LIG3: variants seen among roughly 807,000 people sequenced by gnomAD.
LIG3 encodes DNA ligase 3.
In LIG3, 58 loss-of-function variants were observed where a neutral mutation model predicts 110.9. The ratio of observed to expected loss-of-function variants is 0.52; its 90% CI spans 0.42 to 0.65. LIG3 has a LOEUF of 0.65. LIG3 is among the 30% of genes least tolerant of loss of function. The probability of loss-of-function intolerance (pLI) is 0.00; values close to 1 mark genes in which losing one functional copy is unlikely to be tolerated. For missense variants in LIG3, 1,094 were observed against 1,273.8 expected, an observed-to-expected ratio of 0.86 and a Z score of 2.15; for synonymous variants, 422 against 472.8, an observed-to-expected ratio of 0.89 and a Z score of 1.39.
Position 34,999,854 on chromosome 17 carries a change from A to G in LIG3, c.2329A>G (p.Lys777Glu), listed in dbSNP as rs1430246617. ...TCCTGACTTCATCGTCCCAGACCCAAAGGTATCAACCCAGTGGCTTGGGGG... is the reference window on the plus strand; with the variant it reads ...TCCTGACTTCATCGTCCCAGACCCAGAGGTATCAACCCAGTGGCTTGGGGG... Reference protein sequence around the residue: ...YYPDFIVPDPKKAAVWEITGA... With the variant: ...YYPDFIVPDPEKAAVWEITGA... The change falls in exon 16 of 20, where the codon AAG (lysine) becomes GAG (glutamate). Residue 777 changes from lysine to glutamate, a missense_variant and splice_region_variant. Lys to Glu is a moderately conservative substitution (Grantham distance 56, BLOSUM62 1). Coordinates refer to ENST00000378526, the MANE Select transcript of LIG3 (RefSeq NM_013975.4). 3 of 1,613,258 alleles carry G rather than the reference A, an allele frequency of 1.9e-6. No homozygotes were observed. Among genetic ancestry groups the G allele is most frequent in the Non-Finnish European group, 2.5e-6 (3 of 1,179,336 alleles).
At chr17:34,998,834 C>G (rs2090809176) in intron 14 of LIG3, 107 bp downstream of exon 14, 5 of 1,384,064 alleles carry the variant, frequency 3.6e-6, no homozygotes, top group Non-Finnish European at 4.9e-6. Context: ...CCAGTTATGA[C>G]TTCCGAAGTC....
At chr17:34,999,750 A>G (rs2142279568) in intron 15 of LIG3, 32 bp from the exon 16 acceptor site, 1 of 1,590,974 alleles carries the variant, frequency 6.3e-7, no homozygotes, top group East Asian at 2.2e-5. Context: ...CCAGGTTGGG[A>G]ACAGCCCAAA....
chr17:34,987,326 T>G (rs3135969), intron 3 of LIG3, among the ~76,000 whole-genome samples: 14 of 152,216 alleles, frequency 9.2e-5, no homozygotes, highest in Non-Finnish European at 1.5e-5. Context: ...CCCTAGACAG[T>G]ACTTTTATTT....
At chr17:34,985,704 C>T (rs2090647510) in intron 2 of LIG3, among the ~76,000 whole-genome samples, 1 of 152,156 alleles carries the variant, frequency 6.6e-6, no homozygotes, top group Non-Finnish European at 1.5e-5. Context: ...TGGAGACTTA[C>T]ATATGGGATA....
At chr17:34,996,886 A>G (rs552276218) in intron 11 of LIG3, 193 of 491,754 alleles carry the variant, frequency 3.9e-4, no homozygotes, top group African/African-American at 3.3e-3. Flanking sequence ...TGTTGACTCC[A>G]TCTCTTCTCT....
At chr17:34,981,385 G>A (rs746882379) in intron 1 of LIG3, 1 of 152,116 alleles carries the variant, frequency 6.6e-6, no homozygotes, top group Non-Finnish European at 1.5e-5. Context: ...TAAACTTTGG[G>A]AGTTATATAG....
chr17:35,000,432 A>G (rs2090827674), intron 16 of LIG3, among the ~76,000 whole-genome samples: 1 of 151,288 alleles, frequency 6.6e-6, no homozygotes, highest in Admixed American at 6.6e-5. Context: ...CTAATTTTGT[A>G]TTTTTAGTAG....
In LIG3 at chr17:34,998,743, G is replaced by T. The variant is rs1301672782; in HGVS notation, c.2113+16G>T. 2 of 1,611,958 alleles carry T rather than the reference G, an allele frequency of 1.2e-6. No individual in the cohort carries two copies. Among genetic ancestry groups the T allele is most frequent in the East Asian group, 4.5e-5 (2 of 44,852 alleles). On this transcript the variant is annotated intron_variant, in intron 14 of 19. Transcript: ENST00000378526. ...GGGAGCAAAGGTCAGGGTGGCCTCT[G>T]CCCCCTGGGGTGGTACTGTTTTAGA...
At position 34,998,886 on chromosome 17, in the gene LIG3, A is replaced by G. The variant is rs976933341; in HGVS notation, c.2113+159A>G. ...CAAGCTGGCCTGAGTCACCTCAGGCAGAGCTGCTTACTCGGTTAGGGAGAA... is the reference window on the plus strand; with the variant it reads ...CAAGCTGGCCTGAGTCACCTCAGGCGGAGCTGCTTACTCGGTTAGGGAGAA... On this transcript the variant is annotated intron_variant, in intron 14 of 19. Coordinates refer to ENST00000378526, the MANE Select transcript of LIG3 (RefSeq NM_013975.4). 8 of 769,420 alleles carry G rather than the reference A, an allele frequency of 1.0e-5. No homozygotes were observed. The African/African-American group carries it at 1.2e-4, about 12-fold the overall frequency. The allele number at this position is 769,420 out of a possible 1,614,324, so 47.7% of individuals were successfully genotyped here.
At chr17:34,987,781 G>T (rs2090672730) in intron 3 of LIG3, among the ~76,000 whole-genome samples, 1 of 152,186 alleles carries the variant, frequency 6.6e-6, no homozygotes, top group Non-Finnish European at 1.5e-5. Context: ...GTGAGTTTGT[G>T]TATTTATTTG....
In LIG3 at chr17:35,008,919, C is replaced by A. The variant is rs2090916179; in HGVS notation, c.*4413C>A. The A allele has an allele frequency of 6.6e-6, 1 of 152,308 alleles. No individual in the cohort carries two copies. Among genetic ancestry groups the A allele is most frequent in the Non-Finnish European group, 1.5e-5 (1 of 68,100 alleles). 9.4% of individuals were successfully genotyped at this position (152,308 alleles called of 1,614,324 possible). On this transcript the variant is annotated 3_prime_UTR_variant, in exon 20 of 20. Transcript: ENST00000378526. Reference sequence around the variant, plus strand: ...GTGCTGGGATTACAGGCGTGAGCCACCGCACCCGGCCCTTGTTTGTTTTTT... The same window carrying A: ...GTGCTGGGATTACAGGCGTGAGCCAACGCACCCGGCCCTTGTTTGTTTTTT...
chr17:34,985,290 A>G (rs1333149788), intron 2 of LIG3, among the ~76,000 whole-genome samples: 1 of 152,166 alleles, frequency 6.6e-6, no homozygotes, highest in African/African-American at 2.4e-5. Context: ...CATATCTTCA[A>G]CTTAGTTCTG....
chr17:34,993,719 G>T (rs998577135), intron 8 of LIG3, among the ~76,000 whole-genome samples: 1 of 152,152 alleles, frequency 6.6e-6, no homozygotes, highest in Non-Finnish European at 1.5e-5. Flanking sequence ...TCACATCGGG[G>T]ATGAAATGAG....
chr17:34,986,667 C>T (rs778909204), intron 3 of LIG3, among the ~76,000 whole-genome samples: 7 of 152,144 alleles, frequency 4.6e-5, no homozygotes, highest in African/African-American at 7.2e-5. Context: ...TAACCTCTAT[C>T]GCAGCGGAAA....
intron 19 of LIG3, 36 bp downstream of exon 19, chr17:35,002,825 G>T: frequency 6.3e-7 from 1 of 1,575,122 alleles, no homozygotes. Flanking sequence ...ACGTGGGCCA[G>T]TTTAGCCCAG....
intron 1 of LIG3, 39 bp from the exon 2 acceptor site, chr17:34,982,963 C>CTTT (rs3084117): frequency 1.5e-4 from 181 of 1,243,300 alleles, no homozygotes; most frequent in South Asian, 4.9e-4. Flanking sequence ...TTGTTTATAT[C>CTTT]TTTTTTTTTT....
chr17:34,991,058 C>G lies in LIG3; in HGVS notation c.985C>G (p.Leu329Val). 2 of 1,614,140 alleles carry G rather than the reference C, an allele frequency of 1.2e-6. No homozygotes were observed. The highest frequency in any genetic ancestry group is 1.7e-6 in the Non-Finnish European group (2 of 1,180,012). Residue 329 changes from leucine to valine, a missense_variant, in exon 5 of 20, where the codon CTT becomes GTT. By Grantham distance (32) the Leu-to-Val change is conservative. Transcript: ENST00000378526. ...CTTGAACGATAAGCAGATTGTGAAGCTTTTCAGTCGCATTTTTAACTGCAA... is the reference window on the plus strand; with the variant it reads ...CTTGAACGATAAGCAGATTGTGAAGGTTTTCAGTCGCATTTTTAACTGCAA... The part of the protein sequence containing the change: ...YNLNDKQIVK[L>V]FSRIFNCNPD...
intron 2 of LIG3, among the ~76,000 whole-genome samples, chr17:34,984,740 G>A (rs550119067): frequency 1.3e-5 from 2 of 150,810 alleles, no homozygotes; most frequent in South Asian, 2.1e-4. Flanking sequence ...AGTAAAACCC[G>A]GATACTATGT....
chr17:34,996,989 A>T (rs1163795462), intron 11 of LIG3: 3 of 225,216 alleles, frequency 1.3e-5, no homozygotes, highest in Non-Finnish European at 2.6e-5. Context: ...CTGTGAGCAT[A>T]TGGGGTTTCA....
Sources: gnomAD v4.1 joint callset for allele counts (sites outside exome capture counted in the v4.1 genomes callset) on GRCh38, gnomAD v4.1.1 for gene constraint, MANE v1.5 for transcripts, NCBI Gene and HGNC (gene_info 2026-07-23, HGNC 2026-07-21) for gene names.